PID1: variants seen among roughly 807,000 people sequenced by gnomAD.
PID1 encodes the protein phosphotyrosine interaction domain containing 1.
PID1 carries 10 observed loss-of-function variants against 19.1 expected under a neutral mutation model. That is an observed-to-expected ratio of 0.52 (90% CI 0.32 to 0.89). The LOEUF is 0.89. PID1 is among the 40% of genes least tolerant of loss of function. The pLI, the probability that PID1 is intolerant of heterozygous loss-of-function variation, is 0.03. For missense variants in PID1, 248 were observed against 285.3 expected, an observed-to-expected ratio of 0.87 and a Z score of 0.94; for synonymous variants, 130 against 116.0, an observed-to-expected ratio of 1.12 and a Z score of -0.78.
chr2:229,048,086 C>T (rs538721925), intron 2 of PID1, among the ~76,000 whole-genome samples: 19 of 152,308 alleles, frequency 1.2e-4, no homozygotes, highest in Admixed American at 7.8e-4. Flanking sequence ...ACATTCTACT[C>T]ATCATACCAA....
At chr2:229,172,996 G>A (rs1165618685) in intron 1 of PID1, among the ~76,000 whole-genome samples, 1 of 152,128 alleles carries the variant, frequency 6.6e-6, no homozygotes, top group East Asian at 1.9e-4. Context: ...GCCTCCCAAA[G>A]TGCTGAGATT....
At chr2:229,143,044 T>C (rs1574663281) in intron 2 of PID1, among the ~76,000 whole-genome samples, 3 of 147,708 alleles carry the variant, frequency 2.0e-5, no homozygotes, top group South Asian at 2.4e-4. Flanking sequence ...ATGTCCTTTG[T>C]AGGGACATGG....
intron 1 of PID1, among the ~76,000 whole-genome samples, chr2:229,174,825 G>A (rs148606789): frequency 8.5e-5 from 13 of 152,102 alleles, no homozygotes; most frequent in Admixed American, 6.5e-5. Flanking sequence ...AAGGTAAACC[G>A]TCCAATTTGG....
intron 2 of PID1, among the ~76,000 whole-genome samples, chr2:229,143,582 A>AAAAG (rs1416953837): frequency 6.6e-6 from 1 of 152,074 alleles, no homozygotes; most frequent in East Asian, 1.9e-4. Flanking sequence ...ACCAAAAACA[A>AAAAG]AAAGATCTTT....
intron 2 of PID1, among the ~76,000 whole-genome samples, chr2:229,129,614 T>C (rs1689679799): frequency 6.6e-6 from 1 of 152,208 alleles, no homozygotes; most frequent in South Asian, 2.1e-4. Flanking sequence ...CCAAATTGCT[T>C]AGAAAGCATT....
chr2:229,062,098 T>A (rs989768779), intron 2 of PID1, among the ~76,000 whole-genome samples: 10 of 151,962 alleles, frequency 6.6e-5, no homozygotes, highest in Non-Finnish European at 1.2e-4. Context: ...TTTATCTAAT[T>A]GTTCTAGCTA....
At chr2:229,212,883 G>A (rs912488181) in intron 1 of PID1, among the ~76,000 whole-genome samples, 2 of 151,800 alleles carry the variant, frequency 1.3e-5, no homozygotes, top group South Asian at 2.1e-4. Flanking sequence ...CACACGTCCC[G>A]GCTGACCCAC....
intron 1 of PID1, among the ~76,000 whole-genome samples, chr2:229,243,479 T>C (rs193294018): frequency 8.3e-4 from 126 of 152,258 alleles, no homozygotes; most frequent in African/African-American, 2.7e-3. Context: ...TACTTATCCA[T>C]AGGTCTATTG....
At chr2:229,073,516 T>A (rs1294570686) in intron 2 of PID1, among the ~76,000 whole-genome samples, 1 of 152,196 alleles carries the variant, frequency 6.6e-6, no homozygotes, top group African/African-American at 2.4e-5. Context: ...ACACAATCAA[T>A]ATTCTCCTGT....
chr2:229,056,123 T>C (rs1476049560), intron 2 of PID1, among the ~76,000 whole-genome samples: 2 of 152,178 alleles, frequency 1.3e-5, no homozygotes, highest in East Asian at 3.9e-4. Flanking sequence ...CCAAATGAAG[T>C]CTCAGTGGCT....
chr2:229,133,834 C>T (rs1261921841), intron 2 of PID1, among the ~76,000 whole-genome samples: 1 of 151,614 alleles, frequency 6.6e-6, no homozygotes, highest in Non-Finnish European at 1.5e-5. Context: ...GCACAACGTG[C>T]AGGTTTGTTA....
At chr2:229,155,144 G>A (rs1191989882) in intron 2 of PID1, among the ~76,000 whole-genome samples, 1 of 152,062 alleles carries the variant, frequency 6.6e-6, no homozygotes, top group Non-Finnish European at 1.5e-5. Flanking sequence ...TTCAAGATAT[G>A]TTTTATTCAG....
At chr2:229,264,268 T>A (rs12997537) in intron 1 of PID1, among the ~76,000 whole-genome samples, 1 of 152,114 alleles carries the variant, frequency 6.6e-6, no homozygotes, top group Admixed American at 6.5e-5. Flanking sequence ...GTAGTATACA[T>A]GAAATTTCCC....
chr2:229,177,157 C>T (rs1276431434), intron 1 of PID1, among the ~76,000 whole-genome samples: 1 of 152,126 alleles, frequency 6.6e-6, no homozygotes, highest in Non-Finnish European at 1.5e-5. Context: ...AAAGACCCAC[C>T]CCCATGATTC....
chr2:229,139,097 A>AG (rs1559251707), intron 2 of PID1, among the ~76,000 whole-genome samples: 1 of 79,474 alleles, frequency 1.3e-5, no homozygotes, highest in African/African-American at 6.1e-5. Flanking sequence ...GAAAGAAAGA[A>AG]AGAAAGAAAG....
intron 2 of PID1, among the ~76,000 whole-genome samples, chr2:229,046,023 T>C (rs990630925): frequency 4.6e-5 from 7 of 152,270 alleles, no homozygotes; most frequent in Middle Eastern, 6.8e-3. Flanking sequence ...CTGACCACCA[T>C]CGTTCTGCCC....
chr2:229,031,588 A>AGAAAG (rs1437310562), intron 2 of PID1, among the ~76,000 whole-genome samples: 11 of 152,094 alleles, frequency 7.2e-5, no homozygotes, highest in Non-Finnish European at 1.3e-4. Flanking sequence ...AGAAAAGGAA[A>AGAAAG]GAAAGGAAAA....
chr2:229,219,976 G>C (rs955798713), intron 1 of PID1, among the ~76,000 whole-genome samples: 1 of 151,968 alleles, frequency 6.6e-6, no homozygotes, highest in African/African-American at 2.4e-5. Flanking sequence ...GTATATATGT[G>C]ATCGACTGTA....
At position 229,025,322 on chromosome 2, in the gene PID1, G is replaced by T. The variant is rs76000062; in HGVS notation, c.*310C>A. The stretch of plus-strand genomic sequence containing the variant: ...ACAGCTGCAGAGTATTTGCCTGAGC[G>T]TGGTGAAAACTGGCATGGAGCTCTC... On this transcript the variant is annotated 3_prime_UTR_variant, in exon 3 of 3. Coordinates refer to ENST00000392055, the MANE Select transcript of PID1 (RefSeq NM_001100818.2). The T allele has an allele frequency of 7.5e-5, 25 of 332,504 alleles. No individual in the cohort carries two copies. The Admixed American group carries it at 9.2e-4, about 12-fold the overall frequency. 20.6% of individuals were successfully genotyped at this position (332,504 alleles called of 1,614,324 possible).
Sources: gnomAD v4.1 joint callset for allele counts (sites outside exome capture counted in the v4.1 genomes callset) on GRCh38, gnomAD v4.1.1 for gene constraint, MANE v1.5 for transcripts, NCBI Gene and HGNC (gene_info 2026-07-23, HGNC 2026-07-21) for gene names.